The following EYA1 variants were observed in gnomAD, a reference collection of about 807,000 sequenced individuals.
EYA1 encodes EYA transcriptional coactivator and phosphatase 1.
EYA1 carries 16 observed loss-of-function variants against 82.0 expected under a neutral mutation model. The ratio of observed to expected loss-of-function variants is 0.20; its 90% confidence interval spans 0.13 to 0.30. The LOEUF is 0.30. Ranked by LOEUF, EYA1 falls within the 10% of genes least tolerant of loss-of-function variation. The probability of loss-of-function intolerance (pLI) is 1.00; values close to 1 mark genes in which losing one functional copy is unlikely to be tolerated. For synonymous variants in EYA1, 261 were observed against 264.4 expected, an observed-to-expected ratio of 0.99 and a Z score of 0.12; for missense variants, 633 against 730.7, an observed-to-expected ratio of 0.87 and a Z score of 1.54.
intron 2 of EYA1, among the ~76,000 whole-genome samples, chr8:71,445,997 C>G (rs953706497): frequency 2.0e-5 from 3 of 152,102 alleles, no homozygotes; most frequent in Non-Finnish European, 4.4e-5. Context: ...ACAAATAAGC[C>G]TGAACTATGC....
chr8:71,255,104 G>T (rs922890408), intron 11 of EYA1, among the ~76,000 whole-genome samples: 13 of 152,196 alleles, frequency 8.5e-5, no homozygotes, highest in African/African-American at 2.9e-4. Context: ...CATTAAAGAA[G>T]ATACAAATAA....
Position 71,317,456 on chromosome 8 carries a change from T to C in EYA1, c.556+96A>G, listed in dbSNP as rs756262230. ...GCCTCTAAGCCCAATCCAGTTGCCA[T>C]CATCATTTACTATTTACATGGAACA... On this transcript the variant is annotated intron_variant, in intron 7 of 17. Transcript: ENST00000340726. 3 of 1,318,128 alleles carry C rather than the reference T, an allele frequency of 2.3e-6. No individual in the cohort carries two copies. In the East Asian group the frequency reaches 6.9e-5, roughly 30 times the overall value. The allele number at this position is 1,318,128 out of a possible 1,614,324, so 81.7% of individuals were successfully genotyped here. A position where few individuals can be genotyped will look rare whatever the true frequency, so the allele number is the denominator to read the frequency against.
rs370353759 is a variant in EYA1 at position 71,199,331 on chromosome 8, C to G, written c.*9G>C. On this transcript the variant is annotated 3_prime_UTR_variant, in exon 18 of 18. Coordinates refer to ENST00000340726, the MANE Select transcript of EYA1 (RefSeq NM_000503.6). Reference sequence around the variant, plus strand: ...GAGCAGCTGTGCGCTGTCAAAGTGCCGAGCGCTGTTACAGGTACTCCAGTT... The same window carrying G: ...GAGCAGCTGTGCGCTGTCAAAGTGCGGAGCGCTGTTACAGGTACTCCAGTT... 6.3e-7 allele frequency: 1 copy of G among 1,598,964 alleles called. No homozygotes were observed. Among genetic ancestry groups the G allele is most frequent in the Non-Finnish European group, 8.6e-7 (1 of 1,168,650 alleles).
At chr8:71,343,979 T>C (rs186087333) in intron 3 of EYA1, among the ~76,000 whole-genome samples, 1 of 152,320 alleles carries the variant, frequency 6.6e-6, no homozygotes. Context: ...GACTCTACAA[T>C]TAGCATGTTA....
At position 71,314,521 on chromosome 8, in the gene EYA1, A is replaced by AT. The variant is rs532822336; in HGVS notation, c.556+3030dup. Among the ~76,000 whole-genome samples the AT allele has an allele frequency of 8.6e-4, 131 of 152,228 alleles. 1 individual carries two copies. Among genetic ancestry groups the AT allele is most frequent in the Middle Eastern group, 3.4e-3 (1 of 294 alleles). ...GGACCAGAAATGTTTTGGATTTTGA[A>AT]TTTTTTTCAAATTTTGGAATATTTG... is the stretch of plus-strand genomic sequence containing the variant. On this transcript the variant is annotated intron_variant, in intron 7 of 17. Transcript: ENST00000340726.
chr8:71,414,946 A>T (rs1830780620), intron 2 of EYA1, among the ~76,000 whole-genome samples: 1 of 152,184 alleles, frequency 6.6e-6, no homozygotes, highest in South Asian at 2.1e-4. Flanking sequence ...TCAAGTCAGG[A>T]TGATTATTTG....
At chr8:71,256,263 TAGC>T (rs1814402736) in intron 11 of EYA1, among the ~76,000 whole-genome samples, 2 of 152,190 alleles carry the variant, frequency 1.3e-5, no homozygotes, top group Admixed American at 1.3e-4. Context: ...CTCATATTCA[TAGC>T]AGCATTATTT....
At chr8:71,295,020 C>T (rs139568275) in intron 9 of EYA1, among the ~76,000 whole-genome samples, 38 of 152,242 alleles carry the variant, frequency 2.5e-4, no homozygotes, top group African/African-American at 8.4e-4. Flanking sequence ...AATCTGGAAC[C>T]ACTGCACATC....
chr8:71,347,618 T>C (rs1337970400), intron 3 of EYA1, among the ~76,000 whole-genome samples: 2 of 152,106 alleles, frequency 1.3e-5, no homozygotes, highest in African/African-American at 2.4e-5. Context: ...TAAATGTATG[T>C]AGAGGGCATA....
At chr8:71,233,375 T>G (rs192483997) in intron 12 of EYA1, among the ~76,000 whole-genome samples, 1 of 151,968 alleles carries the variant, frequency 6.6e-6, no homozygotes, top group African/African-American at 2.4e-5. Context: ...CCATCCTGGC[T>G]AACACAGTGA....
chr8:71,518,470 TG>T (rs1378521225), intron 2 of EYA1, among the ~76,000 whole-genome samples: 4 of 152,114 alleles, frequency 2.6e-5, no homozygotes, highest in Non-Finnish European at 5.9e-5. Flanking sequence ...TGCTATTTTC[TG>T]TCTGTCATGT....
At chr8:71,214,776 C>T (rs1808968814) in intron 16 of EYA1, among the ~76,000 whole-genome samples, 1 of 152,148 alleles carries the variant, frequency 6.6e-6, no homozygotes. Flanking sequence ...ACTCTTGTAT[C>T]ATATTGGATT....
intron 2 of EYA1, among the ~76,000 whole-genome samples, chr8:71,442,569 G>A (rs542177577): frequency 6.6e-6 from 1 of 152,286 alleles, no homozygotes; most frequent in African/African-American, 2.4e-5. Context: ...GATTCTGAAA[G>A]TCAAACTTTT....
intron 2 of EYA1, among the ~76,000 whole-genome samples, chr8:71,420,940 C>G (rs1037356801): frequency 6.6e-6 from 1 of 152,162 alleles, no homozygotes; most frequent in African/African-American, 2.4e-5. Context: ...ATTAAAAACA[C>G]TTAGACTAGG....
At chr8:71,469,939 T>C (rs1012661431) in intron 2 of EYA1, among the ~76,000 whole-genome samples, 1 of 152,068 alleles carries the variant, frequency 6.6e-6, no homozygotes, top group African/African-American at 2.4e-5. Flanking sequence ...GGTCCCTGAA[T>C]TGCCCCAGCT....
chr8:71,322,154 C>A (rs377569067), intron 5 of EYA1, 45 bp downstream of exon 5: 2 of 1,474,572 alleles, frequency 1.4e-6, no homozygotes, highest in African/African-American at 2.8e-5. Flanking sequence ...AAATAAAAGT[C>A]TACTCAGAGA....
intron 2 of EYA1, among the ~76,000 whole-genome samples, chr8:71,395,271 A>C (rs558269843): frequency 1.3e-5 from 2 of 152,236 alleles, no homozygotes; most frequent in Non-Finnish European, 2.9e-5. Flanking sequence ...TTCCTAATTG[A>C]ATAACCTTTA....
chr8:71,213,144 C>T (rs1301333026), intron 16 of EYA1, among the ~76,000 whole-genome samples: 4 of 151,916 alleles, frequency 2.6e-5, no homozygotes, highest in Non-Finnish European at 4.4e-5. Context: ...ATCCTACTTC[C>T]ACCACCACAT....
intron 9 of EYA1, among the ~76,000 whole-genome samples, chr8:71,281,639 C>G (rs1376786300): frequency 1.3e-5 from 2 of 152,214 alleles, no homozygotes; most frequent in African/African-American, 4.8e-5. Context: ...GGGGTTTGAT[C>G]AGATTTAACA....
Sources: allele counts gnomAD v4.1 joint callset (sites outside exome capture counted in the v4.1 genomes callset), GRCh38; gene constraint gnomAD v4.1.1; transcripts MANE v1.5; gene names NCBI Gene and HGNC (gene_info 2026-07-23, HGNC 2026-07-21).